SATB2: variants seen among roughly 807,000 people sequenced by gnomAD.
SATB2 encodes the protein DNA-binding protein SATB2.
A neutral mutation model predicts 73.4 loss-of-function variants in SATB2; 1 was observed. That is an observed-to-expected ratio of 0.01 (90% CI 0.00 to 0.06). The LOEUF is 0.06. Ranked by LOEUF, SATB2 falls within the 10% of genes least tolerant of loss-of-function variation. The pLI, the probability that SATB2 is intolerant of heterozygous loss-of-function variation, is 1.00. For synonymous variants in SATB2, 397 were observed against 367.0 expected (o/e 1.08, Z -0.93); for missense variants, 459 against 945.8 (o/e 0.49, Z 6.75).
intron 3 of SATB2, among the ~76,000 whole-genome samples, chr2:199,407,885 C>A (rs1690683247): frequency 6.6e-6 from 1 of 152,060 alleles, no homozygotes; most frequent in South Asian, 2.1e-4. Context: ...AAATCATGAA[C>A]AAACAGAAAT....
At chr2:199,392,314 G>T (rs1690168501) in intron 3 of SATB2, among the ~76,000 whole-genome samples, 1 of 151,488 alleles carries the variant, frequency 6.6e-6, no homozygotes, top group Admixed American at 6.6e-5. Context: ...GAGGAACATT[G>T]TAACATTTAA....
intron 10 of SATB2, among the ~76,000 whole-genome samples, chr2:199,305,309 T>C (rs911364085): frequency 1.3e-5 from 2 of 151,970 alleles, no homozygotes; most frequent in Non-Finnish European, 2.9e-5. Context: ...TTATGTGATA[T>C]CTTCTAATTT....
At chr2:199,357,068 C>T (rs1292899368) in intron 6 of SATB2, among the ~76,000 whole-genome samples, 1 of 152,160 alleles carries the variant, frequency 6.6e-6, no homozygotes, top group Non-Finnish European at 1.5e-5. Flanking sequence ...CAAACCTATG[C>T]CTTTAGGACC....
At chr2:199,368,926 G>C (rs940889502) in intron 5 of SATB2, 12 of 454,566 alleles carry the variant, frequency 2.6e-5, no homozygotes, top group African/African-American at 2.2e-4. Flanking sequence ...CCAACCCTGG[G>C]GCAATGTCAA....
chr2:199,443,497 G>A (rs531536656), intron 2 of SATB2, among the ~76,000 whole-genome samples: 73 of 147,794 alleles, frequency 4.9e-4, no homozygotes, highest in African/African-American at 1.6e-3. Flanking sequence ...TACTAGAATG[G>A]AGAGATTTTT....
intron 10 of SATB2, among the ~76,000 whole-genome samples, chr2:199,292,170 C>T (rs1450823154): frequency 6.6e-6 from 1 of 152,100 alleles, no homozygotes; most frequent in Non-Finnish European, 1.5e-5. Flanking sequence ...TGAATAAACT[C>T]TACAAATCAA....
chr2:199,309,954 A>G (rs1410633313), intron 9 of SATB2, among the ~76,000 whole-genome samples: 1 of 152,102 alleles, frequency 6.6e-6, no homozygotes, highest in African/African-American at 2.4e-5. Flanking sequence ...CATTATAAAA[A>G]CCCCATATAA....
chr2:199,307,005 A>G (rs1473949591), intron 10 of SATB2, among the ~76,000 whole-genome samples: 4 of 152,174 alleles, frequency 2.6e-5, no homozygotes, highest in Middle Eastern at 3.2e-3. Flanking sequence ...TAGGCCCTGA[A>G]TAAAAATTCC....
intron 9 of SATB2, among the ~76,000 whole-genome samples, chr2:199,319,890 G>A (rs1029964052): frequency 6.6e-6 from 1 of 152,086 alleles, no homozygotes; most frequent in Non-Finnish European, 1.5e-5. Context: ...TGGGGTAATT[G>A]ATGTCAAGGG....
chr2:199,311,256 G>A (rs530871344), intron 9 of SATB2, among the ~76,000 whole-genome samples: 2 of 152,082 alleles, frequency 1.3e-5, no homozygotes, highest in Non-Finnish European at 2.9e-5. Flanking sequence ...AAGGGAACCC[G>A]GTTTTGAAGA....
At chr2:199,465,282 G>GTTAT (rs1349947757), upstream of SATB2, 1 of 152,142 alleles carries the variant, frequency 6.6e-6, no homozygotes, top group Non-Finnish European at 1.5e-5. Context: ...TGTTATTTCT[G>GTTAT]TCAACAGAAA....
At chr2:199,454,983 C>A (rs1692232421) in intron 2 of SATB2, among the ~76,000 whole-genome samples, 1 of 152,026 alleles carries the variant, frequency 6.6e-6, no homozygotes. Context: ...GTGATTTATG[C>A]CAAACACACA....
rs1193234920 is a variant in SATB2 at position 199,271,686 on chromosome 2, T to C, written c.*525A>G. ...ACTCACTGTGAAGTGGTTTTTTTAA[T>C]ACATAAACAAGTCTTTTCTTTAAGA... On this transcript the variant is annotated 3_prime_UTR_variant, in exon 11 of 11. Coordinates refer to ENST00000417098, the MANE Select transcript of SATB2 (RefSeq NM_001172509.2). 6.5e-6 allele frequency: 1 copy of C among 153,548 alleles called. No homozygotes were observed. The highest frequency in any genetic ancestry group is 6.5e-5 in the Admixed American group (1 of 15,394). 9.5% of individuals were successfully genotyped at this position (153,548 alleles called of 1,614,324 possible).
At position 199,433,411 on chromosome 2, in the gene SATB2, C is replaced by A; in HGVS notation, c.273G>T (p.Val91=). Residue 91 remains valine, a synonymous_variant, in exon 3 of 11, where the codon GTG becomes GTT. Coordinates refer to ENST00000417098, the MANE Select transcript of SATB2 (RefSeq NM_001172509.2). ...CAGTCTCCACCAGCTGGCTAAAAAG[C>A]ACATCTTTCCGCACCAGGACAAACT... is the stretch of plus-strand genomic sequence containing the variant. The part of the protein sequence containing the change: ...HAEFVLVRKD[V]LFSQLVETAL... 3 of 1,614,198 alleles carry A rather than the reference C, an allele frequency of 1.9e-6. No homozygotes were observed. Among genetic ancestry groups the A allele is most frequent in the Non-Finnish European group, 2.5e-6 (3 of 1,180,038 alleles).
intron 6 of SATB2, among the ~76,000 whole-genome samples, chr2:199,355,811 T>C (rs530519041): frequency 2.2e-4 from 34 of 152,278 alleles, no homozygotes; most frequent in African/African-American, 7.7e-4. Flanking sequence ...TCCTTAGATA[T>C]CTCTATTAAA....
chr2:199,307,070 T>A (rs563601874), intron 10 of SATB2, among the ~76,000 whole-genome samples: 1 of 152,048 alleles, frequency 6.6e-6, no homozygotes, highest in Non-Finnish European at 1.5e-5. Context: ...TGGTTCAAGA[T>A]AGAAGTCTAA....
chr2:199,395,147 T>A (rs1690260846), intron 3 of SATB2, among the ~76,000 whole-genome samples: 1 of 152,144 alleles, frequency 6.6e-6, no homozygotes, highest in African/African-American at 2.4e-5. Context: ...TGAATACAGA[T>A]GAGCCTTTGG....
At chr2:199,382,202 G>A (rs1461857130) in intron 3 of SATB2, among the ~76,000 whole-genome samples, 6 of 152,138 alleles carry the variant, frequency 3.9e-5, no homozygotes, top group Non-Finnish European at 7.3e-5. Context: ...GTAAATATAA[G>A]ATTCAGTTTT....
intron 7 of SATB2, among the ~76,000 whole-genome samples, chr2:199,335,563 A>G (rs1322775340): frequency 6.6e-6 from 1 of 152,196 alleles, no homozygotes; most frequent in Non-Finnish European, 1.5e-5. Flanking sequence ...CAGAATCTGC[A>G]TATTTTGCAC....
Sources: gnomAD v4.1 joint callset for allele counts (sites outside exome capture counted in the v4.1 genomes callset) on GRCh38, gnomAD v4.1.1 for gene constraint, MANE v1.5 for transcripts, NCBI Gene and HGNC (gene_info 2026-07-23, HGNC 2026-07-21) for gene names.